MOV10L1: variants seen among roughly 807,000 people sequenced by gnomAD.
The protein encoded by MOV10L1 is RNA helicase Mov10l1.
A neutral mutation model predicts 143.8 loss-of-function variants in MOV10L1; 110 were observed. The observed-to-expected ratio is 0.76, with a 90% CI of 0.66 to 0.90. The LOEUF is 0.90. Ranked by LOEUF, MOV10L1 falls within the 40% of genes least tolerant of loss-of-function variation. The probability of loss-of-function intolerance (pLI) is 0.00; values close to 1 mark genes in which losing one functional copy is unlikely to be tolerated. For missense variants in MOV10L1, 1,406 were observed against 1,526.8 expected, an observed-to-expected ratio of 0.92 and a Z score of 1.32; for synonymous variants, 593 against 581.1, an observed-to-expected ratio of 1.02 and a Z score of -0.29.
intron 4 of MOV10L1, 137 bp downstream of exon 4, chr22:50,108,385 G>A: frequency 1.2e-6 from 1 of 865,278 alleles, no homozygotes; most frequent in Middle Eastern, 2.1e-4. Flanking sequence ...AGAGGAGTGT[G>A]TTTTCCTATT....
At position 50,115,247 on chromosome 22, in the gene MOV10L1, G is replaced by A. The variant is rs1440907377; in HGVS notation, c.1259+1G>A. On this transcript the variant is annotated splice_donor_variant, in intron 8 of 26. Transcript: ENST00000262794. LOFTEE classifies it high-confidence loss of function. Reference sequence around the variant, plus strand: ...TCATTGTGGTCATCTGTGACGGAAAGTAAGGGCCTGGAGGTCTGGGGAGAG... The same window carrying A: ...TCATTGTGGTCATCTGTGACGGAAAATAAGGGCCTGGAGGTCTGGGGAGAG... 1 of 1,517,508 alleles carries A rather than the reference G, an allele frequency of 6.6e-7. No individual in the cohort carries two copies. The highest frequency in any genetic ancestry group is 1.3e-5 in the South Asian group (1 of 75,598). 94.0% of individuals were successfully genotyped at this position (1,517,508 alleles called of 1,614,324 possible). A position where few individuals can be genotyped will look rare whatever the true frequency, so the allele number is the denominator to read the frequency against.
chr22:50,161,151 A>T (rs1419406836), intron 26 of MOV10L1, 96 bp downstream of exon 26: 7 of 1,294,028 alleles, frequency 5.4e-6, no homozygotes, highest in Non-Finnish European at 7.8e-6. Flanking sequence ...CCACTTACCC[A>T]CCTGCAGCCT....
intron 10 of MOV10L1, among the ~76,000 whole-genome samples, chr22:50,124,341 C>G (rs1035098829): frequency 6.6e-6 from 1 of 152,112 alleles, no homozygotes; most frequent in African/African-American, 2.4e-5. Flanking sequence ...TTATGGGGTT[C>G]TTTTGCTTTA....
intron 15 of MOV10L1, among the ~76,000 whole-genome samples, chr22:50,137,501 A>C: frequency 6.6e-6 from 1 of 152,068 alleles, no homozygotes. Context: ...AGATCGCGCC[A>C]CTGCACTCCA....
intron 2 of MOV10L1, chr22:50,094,072 T>G (rs943899655): frequency 2.0e-5 from 3 of 152,260 alleles, no homozygotes; most frequent in Non-Finnish European, 2.9e-5. Context: ...CTTATTAGCA[T>G]ATGGTATTTT....
At chr22:50,114,672 CGTGGGGTTGTGA>C in intron 7 of MOV10L1, 50 bp downstream of exon 7, 1 of 1,598,924 alleles carries the variant, frequency 6.3e-7, no homozygotes, top group Non-Finnish European at 8.5e-7. Flanking sequence ...GGCTGGGGGC[CGTGGGGTTGTGA>C]GTTCTGGACA....
At position 50,125,462 on chromosome 22, in the gene MOV10L1, T is replaced by C. The variant is rs1279193915; in HGVS notation, c.1640T>C (p.Met547Thr). The C allele has an allele frequency of 1.2e-6, 2 of 1,614,140 alleles. No individual in the cohort carries two copies. The highest frequency in any genetic ancestry group is 1.6e-4 in the Middle Eastern group (1 of 6,062). The change falls in exon 11 of 27, where the codon ATG (methionine) becomes ACG (threonine). Residue 547 changes from methionine (M) to threonine (T), a missense_variant. Coordinates refer to ENST00000262794, the MANE Select transcript of MOV10L1 (RefSeq NM_018995.3). Reference sequence around the variant, plus strand: ...TGGCTTGAGGAGATTTATGCAGAAATGGAACTGAAAGAGTATAACATGAGC... The same window carrying C: ...TGGCTTGAGGAGATTTATGCAGAAACGGAACTGAAAGAGTATAACATGAGC... ...LLWLEEIYAE[M>T]ELKEYNMSGI...
chr22:50,142,174 G>C lies in MOV10L1; in HGVS notation c.2164G>C (p.Glu722Gln), dbSNP rs770845130. Residue 722 changes from glutamate (E) to glutamine (Q), a missense_variant, in exon 16 of 27, where the codon GAG becomes CAG. Around this residue, in one of 3 missense-constraint regions of MOV10L1, gnomAD observed 1,233 missense variants for 1,351.4 expected, o/e 0.91. Transcript: ENST00000262794. ...DLPVLAPFTA[E>Q]MSDWVDEIQT... ...GCCGGTGCTGGCACCCTTTACTGCA[G>C]AGATGAGCGATTGGGGTATGTGCTC... 1 of 1,612,646 alleles carries C rather than the reference G, an allele frequency of 6.2e-7. No individual in the cohort carries two copies. The highest frequency in any genetic ancestry group is 8.5e-7 in the Non-Finnish European group (1 of 1,179,398).
chr22:50,106,823 T>C (rs1356895673), intron 3 of MOV10L1, among the ~76,000 whole-genome samples: 1 of 149,202 alleles, frequency 6.7e-6, no homozygotes, highest in African/African-American at 2.5e-5. Context: ...TGCCTCAGCC[T>C]CCCGAGTAGC....
In MOV10L1 at chr22:50,152,781, G is replaced by A. The variant is rs140460814; in HGVS notation, c.2893-264G>A. 3.1e-3 allele frequency among the ~76,000 whole-genome samples: 468 copies of A among 152,196 alleles called. 3 individuals carry two copies. Among genetic ancestry groups the A allele is most frequent in the African/African-American group, 0.01 (434 of 41,528 alleles). On this transcript the variant is annotated intron_variant, in intron 21 of 26. Coordinates refer to ENST00000262794, the MANE Select transcript of MOV10L1 (RefSeq NM_018995.3). This position sits in a 1 kb window ranked among gnomAD's most constrained non-coding sequence, Gnocchi z 4.4. ...GGAGCCCTTTAAGAGGCCCCTCAGC[G>A]GCACCCAGACCCAGGAGAGGAACAG...
chr22:50,134,613 C>G lies in MOV10L1; in HGVS notation c.2053C>G (p.Gln685Glu), dbSNP rs1462065743. The change falls in exon 15 of 27, where the codon CAG becomes GAG. Residue 685 changes from glutamine (Q) to glutamate (E), a missense_variant. Physicochemically the swap from Gln to Glu is conservative, Grantham distance 29. This residue lies in a region of MOV10L1 where 1,233 missense variants were observed against 1,351.4 expected (regional missense o/e 0.91). Coordinates refer to ENST00000262794, the MANE Select transcript of MOV10L1 (RefSeq NM_018995.3). Reference protein sequence around the residue: ...NHAQDTKSSGQSTSKKNRKTM... With the variant: ...NHAQDTKSSGESTSKKNRKTM... ...TGCACAAGACACCAAAAGCAGTGGA[C>G]AGTCCACCAGCAAAAAGGTAGTGCT... 8 of 1,614,088 alleles carry G rather than the reference C, an allele frequency of 5.0e-6. No homozygotes were observed. Among genetic ancestry groups the G allele is most frequent in the Non-Finnish European group, 6.8e-6 (8 of 1,179,966 alleles).
chr22:50,096,628 C>T (rs1051670550), intron 2 of MOV10L1, among the ~76,000 whole-genome samples: 1 of 152,214 alleles, frequency 6.6e-6, no homozygotes, highest in African/African-American at 2.4e-5. Flanking sequence ...GTATCCTTGC[C>T]AACACTTGCT....
chr22:50,121,826 G>T (rs895328925), intron 10 of MOV10L1, among the ~76,000 whole-genome samples: 1 of 152,204 alleles, frequency 6.6e-6, no homozygotes, highest in Non-Finnish European at 1.5e-5. Flanking sequence ...CTGCAGCTTT[G>T]TAGTAAGTTT....
rs546808436 is a variant in MOV10L1 at position 50,156,946 on chromosome 22, A to C, written c.3067-1111A>C. Among the ~76,000 whole-genome samples the C allele has an allele frequency of 1.1e-4, 16 of 152,328 alleles. No individual in the cohort carries two copies. In the South Asian group the frequency reaches 3.3e-3, roughly 32 times the overall value. On this transcript the variant is annotated intron_variant, in intron 22 of 26. Coordinates refer to ENST00000262794, the MANE Select transcript of MOV10L1 (RefSeq NM_018995.3). ...GAGAAACCATCATCTTGCTTTCCACAGTAACTGCAGCATTCCACACCCCAC... is the reference window on the plus strand; with the variant it reads ...GAGAAACCATCATCTTGCTTTCCACCGTAACTGCAGCATTCCACACCCCAC...
chr22:50,105,776 C>T (rs2061850582), intron 3 of MOV10L1, among the ~76,000 whole-genome samples: 1 of 152,204 alleles, frequency 6.6e-6, no homozygotes, highest in Non-Finnish European at 1.5e-5. Context: ...GGGGGAGCAG[C>T]AAAGAGAAAA....
At chr22:50,123,774 C>T (rs2147211428) in intron 10 of MOV10L1, among the ~76,000 whole-genome samples, 1 of 152,260 alleles carries the variant, frequency 6.6e-6, no homozygotes, top group African/African-American at 2.4e-5. Context: ...AGCTATGGAG[C>T]CATCAGGTCC....
chr22:50,115,557 A>G (rs1045791579), intron 8 of MOV10L1, among the ~76,000 whole-genome samples: 1 of 152,158 alleles, frequency 6.6e-6, no homozygotes, highest in Non-Finnish European at 1.5e-5. Flanking sequence ...TCTCAAAAAA[A>G]CAAAAAGGTA....
intron 12 of MOV10L1, among the ~76,000 whole-genome samples, chr22:50,127,286 A>G (rs752131032): frequency 6.6e-6 from 1 of 152,232 alleles, no homozygotes; most frequent in African/African-American, 2.4e-5. Context: ...CCTGAGCCAT[A>G]TGGCCGGGCC....
chr22:50,161,099 A>G, intron 26 of MOV10L1, 44 bp downstream of exon 26: 1 of 1,585,302 alleles, frequency 6.3e-7, no homozygotes, highest in South Asian at 1.1e-5. Flanking sequence ...CTGGCTCTAG[A>G]ACGTGCTCTA....
Sources: allele counts gnomAD v4.1 joint callset (sites outside exome capture counted in the v4.1 genomes callset), GRCh38; gene constraint gnomAD v4.1.1; regional missense constraint gnomAD v4.1.1; non-coding constraint Gnocchi (gnomAD v3.1); transcripts MANE v1.5; gene names NCBI Gene and HGNC (gene_info 2026-07-23, HGNC 2026-07-21).